PRDM9: variants seen among roughly 807,000 people sequenced by gnomAD.
PRDM9 encodes PR/SET domain 9.
In PRDM9, 47 loss-of-function variants were observed where a neutral mutation model predicts 55.6. That is an observed-to-expected ratio of 0.85 (90% CI 0.67 to 1.08). The LOEUF is 1.08. PRDM9 is among the 50% of genes least tolerant of loss of function. The probability of loss-of-function intolerance (pLI) is 0.00; values close to 1 mark genes in which losing one functional copy is unlikely to be tolerated. For missense variants in PRDM9, 867 were observed against 1,040.3 expected, an observed-to-expected ratio of 0.83 and a Z score of 2.29; for synonymous variants, 312 against 375.7, an observed-to-expected ratio of 0.83 and a Z score of 1.96.
intron 10 of PRDM9, among the ~76,000 whole-genome samples, chr5:23,525,506 A>G (rs1739413275): frequency 6.6e-6 from 1 of 152,210 alleles, no homozygotes; most frequent in Non-Finnish European, 1.5e-5. Flanking sequence ...GATTTGTGGA[A>G]TCTGAAATGG....
rs551696685 is a variant in PRDM9 at position 23,522,282 on chromosome 5, C to T, written c.509-22C>T. 2.2e-5 allele frequency: 35 copies of T among 1,577,046 alleles called. 1 individual carries two copies. The East Asian group carries it at 2.2e-4, about 10-fold the overall frequency. On this transcript the variant is annotated intron_variant, in intron 6 of 10. Transcript: ENST00000296682. ...AACACCCCAGATTCCCAATTTTACC[C>T]GTCTACTCTTCTCCAACCTAGAACT...
Position 23,522,832 on chromosome 5 carries a change from G to A in PRDM9, c.829G>A (p.Glu277Lys), listed in dbSNP as rs1406432659. 1 of 1,614,238 alleles carries A rather than the reference G, an allele frequency of 6.2e-7. No individual in the cohort carries two copies. Among genetic ancestry groups the A allele is most frequent in the East Asian group, 2.2e-5 (1 of 44,864 alleles). Residue 277 changes from glutamate to lysine, a missense_variant, in exon 8 of 11, where the codon GAG becomes AAG. Transcript: ENST00000296682. The part of the protein sequence containing the change: ...LPLGLHFGPY[E>K]GRITEDEEAA... Reference sequence around the variant, plus strand: ...GCTGGGTCTGCACTTTGGCCCTTATGAGGGCCGAATTACAGAAGACGAAGA... The same window carrying A: ...GCTGGGTCTGCACTTTGGCCCTTATAAGGGCCGAATTACAGAAGACGAAGA...
intron 7 of PRDM9, 83 bp downstream of exon 7, chr5:23,522,488 C>T: frequency 6.3e-7 from 1 of 1,584,736 alleles, no homozygotes; most frequent in African/African-American, 1.3e-5. Context: ...CAAATCATTC[C>T]CTTACTCTAA....
In PRDM9 at chr5:23,523,374, C is replaced by T. The variant is rs769709328; in HGVS notation, c.950+16C>T. 6.2e-6 allele frequency: 10 copies of T among 1,604,034 alleles called. No homozygotes were observed. Among genetic ancestry groups the T allele is most frequent in the Non-Finnish European group, 7.7e-6 (9 of 1,171,000 alleles). On this transcript the variant is annotated intron_variant, in intron 9 of 10. Coordinates refer to ENST00000296682, the MANE Select transcript of PRDM9 (RefSeq NM_020227.4). ...ACTGGATGAGGTAAGGCCAGTAGCT[C>T]TCTGAGTTGCAGAGAGAACCTTCAT...
Position 23,526,411 on chromosome 5 carries a change from T to A in PRDM9, c.1323T>A (p.Tyr441Ter). 6.2e-6 allele frequency: 10 copies of A among 1,612,600 alleles called. No individual in the cohort carries two copies. Among genetic ancestry groups the A allele is most frequent in the Non-Finnish European group, 8.5e-6 (10 of 1,179,582 alleles). Residue 441 changes from tyrosine (Y) to a stop codon, truncating the protein, a stop_gained, in exon 11 of 11, where the codon TAT (tyrosine) becomes TAA (stop). Transcript: ENST00000296682. LOFTEE classifies it low-confidence loss of function (END_TRUNC). ...CPGDQNQEQQYPDPHSRNDKT... is the reference protein window; with the variant it reads ...CPGDQNQEQQ ...GGGATCAGAATCAGGAGCAGCAATATCCAGATCCACACAGCCGTAATGACA... is the reference window on the plus strand; with the variant it reads ...GGGATCAGAATCAGGAGCAGCAATAACCAGATCCACACAGCCGTAATGACA...
chr5:23,517,037 C>G lies in PRDM9; in HGVS notation c.302-844C>G, dbSNP rs187101636. Among the ~76,000 whole-genome samples, 1,226 of 149,958 alleles carry G rather than the reference C, an allele frequency of 8.2e-3. 14 individuals carry two copies. Among genetic ancestry groups the G allele is most frequent in the Middle Eastern group, 0.024 (7 of 286 alleles). ...GCGTGGTGGTGGGCGCCTGTAGTCC[C>G]AGCTACTCAGGAGGCTGAGGCAGGA... On this transcript the variant is annotated intron_variant, in intron 4 of 10. Transcript: ENST00000296682.
At chr5:23,514,458 T>TG (rs1322922463) in intron 4 of PRDM9, among the ~76,000 whole-genome samples, 1 of 149,252 alleles carries the variant, frequency 6.7e-6, no homozygotes, top group Non-Finnish European at 1.5e-5. Flanking sequence ...ACTAGAAGAT[T>TG]TTTTTTTTTT....
chr5:23,509,061 A>C lies in PRDM9; in HGVS notation c.28A>C (p.Ser10Arg). The C allele has an allele frequency of 1.2e-6, 2 of 1,614,122 alleles. No homozygotes were observed. The highest frequency in any genetic ancestry group is 1.7e-6 in the Non-Finnish European group (2 of 1,180,008). Residue 10 changes from serine to arginine, a missense_variant, in exon 2 of 11, where the codon AGC becomes CGC. Physicochemically the swap from Ser to Arg is moderately radical, Grantham distance 110. This residue lies in a region of PRDM9 where 662 missense variants were observed against 711.9 expected (regional missense o/e 0.93). Coordinates refer to ENST00000296682, the MANE Select transcript of PRDM9 (RefSeq NM_020227.4). MSPEKSQEESPEEDTERTER... is the reference protein window; with the variant it reads MSPEKSQEERPEEDTERTER... ...GAGCCCTGAAAAGTCCCAAGAGGAGAGCCCAGAAGAAGACACAGAGAGAAC... is the reference window on the plus strand; with the variant it reads ...GAGCCCTGAAAAGTCCCAAGAGGAGCGCCCAGAAGAAGACACAGAGAGAAC...
chr5:23,520,056 A>AG (rs1041972106), intron 5 of PRDM9, among the ~76,000 whole-genome samples: 2 of 146,644 alleles, frequency 1.4e-5, no homozygotes, highest in Non-Finnish European at 3.0e-5. Context: ...AAAAATAAAA[A>AG]AAAAAAAGAA....
chr5:23,514,483 T>C lies in PRDM9; in HGVS notation c.302-3398T>C, dbSNP rs556945064. On this transcript the variant is annotated intron_variant, in intron 4 of 10. Coordinates refer to ENST00000296682, the MANE Select transcript of PRDM9 (RefSeq NM_020227.4). ...TTTTTTTTTTTAGACAGCCTCACTC[T>C]GTTGCCCCAGGCTGGAGTTCAGTGG... Among the ~76,000 whole-genome samples, 5 of 152,268 alleles carry C rather than the reference T, an allele frequency of 3.3e-5. No homozygotes were observed. In the East Asian group the frequency reaches 9.7e-4, roughly 29 times the overall value.
chr5:23,518,406 A>G (rs1325676545), intron 5 of PRDM9, among the ~76,000 whole-genome samples: 1 of 152,232 alleles, frequency 6.6e-6, no homozygotes, highest in Admixed American at 6.5e-5. Context: ...TGTCTTACCC[A>G]TATGTGTTAC....
intron 1 of PRDM9, among the ~76,000 whole-genome samples, chr5:23,508,352 G>A (rs949013936): frequency 1.4e-4 from 21 of 151,742 alleles, no homozygotes; most frequent in African/African-American, 2.9e-4. Flanking sequence ...TCCTCAGCTC[G>A]AGATACCCCA....
rs200830061 is a variant in PRDM9, at chr5:23,521,040, A to T, written c.369A>T (p.Ser123=). The change falls in exon 6 of 11, where the codon TCA becomes TCT. Residue 123 remains serine, a synonymous_variant. Coordinates refer to ENST00000296682, the MANE Select transcript of PRDM9 (RefSeq NM_020227.4). Reference sequence around the variant, plus strand: ...CATTAAAGGGAATGCCCAAGGCGTCATTCAGTAATGAATCTAGTTTGAAAG... The same window carrying T: ...CATTAAAGGGAATGCCCAAGGCGTCTTTCAGTAATGAATCTAGTTTGAAAG... ...RKHQKGMPKA[S]FSNESSLKEL... The T allele has an allele frequency of 1.9e-6, 3 of 1,614,220 alleles. No individual in the cohort carries two copies. The highest frequency in any genetic ancestry group is 2.5e-6 in the Non-Finnish European group (3 of 1,180,026).
At chr5:23,509,178 C>T in intron 2 of PRDM9, 76 bp downstream of exon 2, 1 of 1,574,496 alleles carries the variant, frequency 6.4e-7, no homozygotes, top group Non-Finnish European at 8.7e-7. Flanking sequence ...CTGGCCTGTA[C>T]CCTTGGGGGA....
rs530775146 is a variant in PRDM9 at position 23,508,891 on chromosome 5, C to T, written c.-84-59C>T. 3.3e-4 allele frequency: 314 copies of T among 941,846 alleles called. 2 individuals are homozygous for T. The highest frequency in any genetic ancestry group is 1.8e-3 in the Admixed American group (81 of 45,172). The allele number at this position is 941,846 out of a possible 1,614,324, so 58.3% of individuals were successfully genotyped here. ...ACCCAGCCAGATGGAGAAGACAGAGCCTGGTTCTGGGTAGTGCTCAGGGCT... is the reference window on the plus strand; with the variant it reads ...ACCCAGCCAGATGGAGAAGACAGAGTCTGGTTCTGGGTAGTGCTCAGGGCT... On this transcript the variant is annotated intron_variant, in intron 1 of 10. Coordinates refer to ENST00000296682, the MANE Select transcript of PRDM9 (RefSeq NM_020227.4).
rs1402828737 is a variant in PRDM9 at position 23,510,029 on chromosome 5, TAAGAGGGAAGGG to T, written c.301+6_301+17del. 39 of 1,577,978 alleles carry T rather than the reference TAAGAGGGAAGGG, an allele frequency of 2.5e-5. No homozygotes were observed. The highest frequency in any genetic ancestry group is 3.2e-5 in the Non-Finnish European group (37 of 1,149,712). ...AAGAATGGACCCCTAGGCAGCAAGG[TAAGAGGGAAGGG>T]AAGTAGGATTTTTTTTTTTTTTTTT... On this transcript the variant is annotated splice_donor_5th_base_variant and intron_variant, in intron 4 of 10. Transcript: ENST00000296682.
At chr5:23,510,467 C>G (rs1375012479) in intron 4 of PRDM9, among the ~76,000 whole-genome samples, 1 of 151,572 alleles carries the variant, frequency 6.6e-6, no homozygotes, top group Admixed American at 6.6e-5. Flanking sequence ...AAACAATTCT[C>G]CCACCTCAGC....
At position 23,523,169 on chromosome 5, in the gene PRDM9, A is replaced by G; in HGVS notation, c.883-122A>G. 1.6e-6 allele frequency: 2 copies of G among 1,215,218 alleles called. 1 individual carries two copies. Among genetic ancestry groups the G allele is most frequent in the South Asian group, 2.5e-5 (2 of 80,156 alleles). The allele number at this position is 1,215,218 out of a possible 1,614,324, so 75.3% of individuals were successfully genotyped here. A position where few individuals can be genotyped will look rare whatever the true frequency, so the allele number is the denominator to read the frequency against. On this transcript the variant is annotated intron_variant, in intron 8 of 10. Transcript: ENST00000296682. ...ATAGATGATGACTAAGGTGCATACC[A>G]TGTGGTCTCAATTGGCAGCTGAAGC...
chr5:23,526,693 T>C lies in PRDM9; in HGVS notation c.1605T>C (p.Val535=). 1 of 1,614,234 alleles carries C rather than the reference T, an allele frequency of 6.2e-7. No individual in the cohort carries two copies. The highest frequency in any genetic ancestry group is 8.5e-7 in the Non-Finnish European group (1 of 1,180,040). The stretch of plus-strand genomic sequence containing the variant: ...GAGAGTGTGGACAAGGTTTCAGTGT[T>C]AAATCAGATGTTATTACACACCAAA... ...KYGECGQGFS[V]KSDVITHQRT... The change falls in exon 11 of 11, where the codon GTT becomes GTC. Residue 535 remains valine, a synonymous_variant. Transcript: ENST00000296682.
Sources: allele counts gnomAD v4.1 joint callset (sites outside exome capture counted in the v4.1 genomes callset), GRCh38; gene constraint gnomAD v4.1.1; regional missense constraint gnomAD v4.1.1; transcripts MANE v1.5; gene names NCBI Gene and HGNC (gene_info 2026-07-23, HGNC 2026-07-21).